KLHDC8A: variants seen among roughly 807,000 people sequenced by gnomAD.
The protein encoded by KLHDC8A is kelch domain-containing protein 8A.
A neutral mutation model predicts 33.1 loss-of-function variants in KLHDC8A; 21 were observed. The observed-to-expected ratio is 0.64, with a 90% confidence interval of 0.45 to 0.91. The LOEUF (loss-of-function observed/expected upper bound fraction) is 0.91. Among genes scored for constraint, KLHDC8A ranks in the 40% least tolerant of loss-of-function variants. The pLI is 0.00. For missense variants in KLHDC8A, 435 were observed against 483.3 expected, an observed-to-expected ratio of 0.90 and a Z score of 0.94; for synonymous variants, 173 against 193.5, an observed-to-expected ratio of 0.89 and a Z score of 0.88.
chr1:205,337,265 C>T lies in KLHDC8A; in HGVS notation c.*134G>A, dbSNP rs1485197138. 2.8e-6 allele frequency: 2 copies of T among 707,188 alleles called. No individual in the cohort carries two copies. The highest frequency in any genetic ancestry group is 4.8e-6 in the Non-Finnish European group (2 of 413,692). The allele number at this position is 707,188 out of a possible 1,614,324, so 43.8% of individuals were successfully genotyped here. Reference sequence around the variant, plus strand: ...CTATAGAGAGGTCAACTTAGAGCCCCAAGGCCAGACTCCACTGGTTGCTAA... The same window carrying T: ...CTATAGAGAGGTCAACTTAGAGCCCTAAGGCCAGACTCCACTGGTTGCTAA... On this transcript the variant is annotated 3_prime_UTR_variant, in exon 6 of 6. Transcript: ENST00000367155.
In KLHDC8A at chr1:205,338,552, G is replaced by T. The variant is rs146237344; in HGVS notation, c.802C>A (p.Arg268=). The T allele has an allele frequency of 3.2e-5, 52 of 1,613,972 alleles. No individual in the cohort carries two copies. Among genetic ancestry groups the T allele is most frequent in the Non-Finnish European group, 4.4e-5 (52 of 1,180,022 alleles). The part of the protein sequence containing the change: ...MERSFFLKKR[R]ADFVAGSLSG... The stretch of plus-strand genomic sequence containing the variant: ...AGAGAGCCAGCCACAAAATCTGCCC[G>T]CCGCTTCTTGAGGAAGAACGATCGT... Residue 268 remains arginine (R), a synonymous_variant, in exon 5 of 6, where the codon CGG becomes AGG. Coordinates refer to ENST00000367155, the MANE Select transcript of KLHDC8A (RefSeq NM_018203.3).
rs771271290 is a variant in KLHDC8A, at chr1:205,339,195, C to G, written c.756G>C (p.Gln252His). 8 of 1,613,422 alleles carry G rather than the reference C, an allele frequency of 5.0e-6. No homozygotes were observed. In the East Asian group the frequency reaches 1.6e-4, roughly 31 times the overall value. Reference protein sequence around the residue: ...LRTMDVFDMEQGGWLKMERSF... With the variant: ...LRTMDVFDMEHGGWLKMERSF... ...TCCTGGGGAAGGTGACCAGCTCACC[C>G]TGTTCCATGTCGAACACGTCCATCG... Residue 252 changes from glutamine (Q) to histidine (H), a missense_variant and splice_region_variant, in exon 4 of 6, where the codon CAG becomes CAC. Coordinates refer to ENST00000367155, the MANE Select transcript of KLHDC8A (RefSeq NM_018203.3). The surrounding 1 kb of genome is among the most constrained non-coding windows in gnomAD (Gnocchi z 5.1).
chr1:205,349,585 C>T (rs971320077), intron 1 of KLHDC8A, among the ~76,000 whole-genome samples: 19 of 152,240 alleles, frequency 1.2e-4, no homozygotes, highest in African/African-American at 4.3e-4. Context: ...TTAGTGCGTG[C>T]GGGAAGGTAT....
At chr1:205,342,413 A>T (rs1176117166) in intron 2 of KLHDC8A, among the ~76,000 whole-genome samples, 1 of 152,054 alleles carries the variant, frequency 6.6e-6, no homozygotes, top group East Asian at 1.9e-4. Context: ...AGTTACTTTC[A>T]TTGGTCAGAT....
In KLHDC8A at chr1:205,343,391, C is replaced by G; in HGVS notation, c.214G>C (p.Val72Leu). The change falls in exon 2 of 6, where the codon GTG (valine) becomes CTG (leucine). Residue 72 changes from valine (V) to leucine (L), a missense_variant. By Grantham distance (32) the Val-to-Leu change is conservative (BLOSUM62 1). Coordinates refer to ENST00000367155, the MANE Select transcript of KLHDC8A (RefSeq NM_018203.3). ...LPRLPTARAG[V>L]AVTALGKRIM... Reference sequence around the variant, plus strand: ...CGCTTCCCCAGGGCGGTGACGGCCACCCCCGCCCGGGCTGTGGGCAGCCGG... The same window carrying G: ...CGCTTCCCCAGGGCGGTGACGGCCAGCCCCGCCCGGGCTGTGGGCAGCCGG... The G allele has an allele frequency of 6.2e-7, 1 of 1,613,294 alleles. No homozygotes were observed. Among genetic ancestry groups the G allele is most frequent in the Non-Finnish European group, 8.5e-7 (1 of 1,179,792 alleles).
intron 2 of KLHDC8A, among the ~76,000 whole-genome samples, chr1:205,341,943 C>T (rs1307893903): frequency 4.6e-5 from 7 of 152,228 alleles, no homozygotes; most frequent in Non-Finnish European, 8.8e-5. Context: ...GCCACCGCGC[C>T]CGGCCAATCT....
intron 2 of KLHDC8A, 44 bp downstream of exon 2, chr1:205,343,185 C>G: frequency 6.5e-7 from 1 of 1,537,348 alleles, no homozygotes. Context: ...TCCTGGCCCC[C>G]CACTTCCTTC....
chr1:205,349,277 C>T (rs558027472), intron 1 of KLHDC8A, among the ~76,000 whole-genome samples: 2 of 152,324 alleles, frequency 1.3e-5, no homozygotes, highest in Admixed American at 6.5e-5. Context: ...TTCCTGACCA[C>T]GCAGCCTTGA....
chr1:205,345,074 G>A (rs1293226749), intron 1 of KLHDC8A, among the ~76,000 whole-genome samples: 1 of 152,168 alleles, frequency 6.6e-6, no homozygotes, highest in Non-Finnish European at 1.5e-5. Context: ...AGTAACAAAG[G>A]TGCCCATGAG....
At chr1:205,348,203 C>T (rs563228851) in intron 1 of KLHDC8A, among the ~76,000 whole-genome samples, 9 of 152,246 alleles carry the variant, frequency 5.9e-5, no homozygotes, top group African/African-American at 2.2e-4. Flanking sequence ...ACAGTTTCTT[C>T]CCAATAAACC....
Position 205,343,354 on chromosome 1 carries a change from A to G in KLHDC8A, c.251T>C (p.Ile84Thr), listed in dbSNP as rs566220492. 13 of 1,613,648 alleles carry G rather than the reference A, an allele frequency of 8.1e-6. No homozygotes were observed. The East Asian group carries it at 8.9e-5, about 11-fold the overall frequency. Residue 84 changes from isoleucine (I) to threonine (T), a missense_variant, in exon 2 of 6, where the codon ATT becomes ACT. By Grantham distance (89) the Ile-to-Thr change is moderately conservative. Coordinates refer to ENST00000367155, the MANE Select transcript of KLHDC8A (RefSeq NM_018203.3). Reference protein sequence around the residue: ...VTALGKRIMVIGGVGTNQLPL... With the variant: ...VTALGKRIMVTGGVGTNQLPL... ...CAGCTGATTGGTGCCCACGCCCCCA[A>G]TCACCATGATCCGCTTCCCCAGGGC...
chr1:205,350,543 AAGGCTAT>A (rs1663068484), intron 1 of KLHDC8A, among the ~76,000 whole-genome samples: 1 of 152,218 alleles, frequency 6.6e-6, no homozygotes, highest in South Asian at 2.1e-4. Flanking sequence ...CAGAGGAGAA[AAGGCTAT>A]AGGCTGGGGA....
At chr1:205,352,597 C>T (rs368358339) in intron 1 of KLHDC8A, among the ~76,000 whole-genome samples, 10 of 152,160 alleles carry the variant, frequency 6.6e-5, no homozygotes, top group African/African-American at 1.4e-4. Flanking sequence ...GGCGGGGACG[C>T]GTGATGAGCT....
At chr1:205,355,090 T>C (rs1330098445) in intron 1 of KLHDC8A, among the ~76,000 whole-genome samples, 1 of 152,164 alleles carries the variant, frequency 6.6e-6, no homozygotes, top group Non-Finnish European at 1.5e-5. Flanking sequence ...TGAGCCTGGC[T>C]CTCTATAAAG....
At chr1:205,338,474 G>A in intron 5 of KLHDC8A, 21 bp downstream of exon 5, 1 of 1,577,552 alleles carries the variant, frequency 6.3e-7, no homozygotes, top group South Asian at 1.1e-5. Context: ...ATAAATTCCA[G>A]CGTGAAAGCG....
rs577235652 is a variant in KLHDC8A, at chr1:205,342,303, T to TCTCGGGC, written c.376+925_376+926insGCCCGAG. Among the ~76,000 whole-genome samples, 439 of 152,352 alleles carry TCTCGGGC rather than the reference T, an allele frequency of 2.9e-3. 6 individuals are homozygous for TCTCGGGC. Among genetic ancestry groups the TCTCGGGC allele is most frequent in the African/African-American group, 9.8e-3 (409 of 41,572 alleles). ...AAGATGTGCTCTTTCCCTCCCTTGCTCTCCGTGGGCCTCCAGGCCTTCCAT... is the reference window on the plus strand; with the variant it reads ...AAGATGTGCTCTTTCCCTCCCTTGCTCTCGGGCCTCCGTGGGCCTCCAGGCCTTCCAT... On this transcript the variant is annotated intron_variant, in intron 2 of 5. Transcript: ENST00000367155.
chr1:205,344,125 A>G (rs1662878174), intron 1 of KLHDC8A: 1 of 152,290 alleles, frequency 6.6e-6, no homozygotes, highest in Non-Finnish European at 1.5e-5. Context: ...CCGCCCCCGC[A>G]TCACTTACGC....
rs1105386 is a variant in KLHDC8A, at chr1:205,339,219, C to T, written c.732G>A (p.Thr244=). The change falls in exon 4 of 6, where the codon ACG becomes ACA. Residue 244 remains threonine, a synonymous_variant. Transcript: ENST00000367155. This position sits in a 1 kb window ranked among gnomAD's most constrained non-coding sequence, Gnocchi z 5.1. ...RLYRQPKFLR[T]MDVFDMEQGG... ...CCTGTTCCATGTCGAACACGTCCAT[C>T]GTCCGCAGGAACTTGGGCTGCCGGT... The T allele has an allele frequency of 5.6e-6, 9 of 1,613,968 alleles. No individual in the cohort carries two copies. The highest frequency in any genetic ancestry group is 1.3e-5 in the African/African-American group (1 of 74,926).
rs1574909275 is a variant in KLHDC8A, at chr1:205,343,379, C to A, written c.226G>T (p.Ala76Ser). The change falls in exon 2 of 6, where the codon GCC becomes TCC. Residue 76 changes from alanine to serine, a missense_variant. Coordinates refer to ENST00000367155, the MANE Select transcript of KLHDC8A (RefSeq NM_018203.3). ...PTARAGVAVT[A>S]LGKRIMVIGG... The stretch of plus-strand genomic sequence containing the variant: ...ATCACCATGATCCGCTTCCCCAGGG[C>A]GGTGACGGCCACCCCCGCCCGGGCT... 6.2e-7 allele frequency: 1 copy of A among 1,613,484 alleles called. No individual in the cohort carries two copies. Among genetic ancestry groups the A allele is most frequent in the South Asian group, 1.1e-5 (1 of 91,070 alleles).
Sources: gnomAD v4.1 joint callset for allele counts (sites outside exome capture counted in the v4.1 genomes callset) on GRCh38, gnomAD v4.1.1 for gene constraint, Gnocchi (gnomAD v3.1) non-coding constraint, MANE v1.5 for transcripts, NCBI Gene and HGNC (gene_info 2026-07-23, HGNC 2026-07-21) for gene names.